The following CHST11 variants were observed in gnomAD, a reference collection of about 807,000 sequenced individuals.
The protein encoded by CHST11 is C4S-1.
In CHST11, 9 loss-of-function variants were observed where a neutral mutation model predicts 30.4. The ratio of observed to expected loss-of-function variants is 0.30; its 90% CI spans 0.18 to 0.52. The LOEUF (loss-of-function observed/expected upper bound fraction) is 0.52. Ranked by LOEUF, CHST11 falls within the 20% of genes least tolerant of loss-of-function variation. The pLI is 0.97. For missense variants in CHST11, 348 were observed against 460.6 expected (o/e 0.76, Z 2.24); for synonymous variants, 152 against 187.8 (o/e 0.81, Z 1.56).
chr12:104,557,498 G>A (rs906642554), intron 1 of CHST11, among the ~76,000 whole-genome samples: 7 of 152,116 alleles, frequency 4.6e-5, no homozygotes, highest in African/African-American at 1.7e-4. Context: ...AGGAGAAGGG[G>A]GGCACCGGCC....
chr12:104,712,858 A>G (rs1422903439), intron 2 of CHST11, among the ~76,000 whole-genome samples: 1 of 152,136 alleles, frequency 6.6e-6, no homozygotes, highest in East Asian at 1.9e-4. Flanking sequence ...TAGTTCTCAT[A>G]GGCCCTGACC....
intron 2 of CHST11, among the ~76,000 whole-genome samples, chr12:104,668,889 G>C (rs1410813921): frequency 6.6e-6 from 1 of 152,098 alleles, no homozygotes; most frequent in African/African-American, 2.4e-5. Flanking sequence ...AGAAATGAAG[G>C]CCTCCTTGAG....
intron 1 of CHST11, among the ~76,000 whole-genome samples, chr12:104,492,671 A>C (rs948686722): frequency 2.0e-5 from 3 of 152,272 alleles, no homozygotes; most frequent in African/African-American, 7.2e-5. Flanking sequence ...TGTCTGGAAC[A>C]AGATACAGTT....
intron 2 of CHST11, among the ~76,000 whole-genome samples, chr12:104,682,003 T>C (rs1188365776): frequency 1.3e-5 from 2 of 151,908 alleles, no homozygotes; most frequent in Non-Finnish European, 2.9e-5. Flanking sequence ...GCTAATTTTT[T>C]TTTGTATCTT....
chr12:104,631,032 C>T (rs2039265037), intron 2 of CHST11, among the ~76,000 whole-genome samples: 1 of 152,156 alleles, frequency 6.6e-6, no homozygotes, highest in Non-Finnish European at 1.5e-5. Context: ...GGAGGAGGCC[C>T]GCCTGGGAAT....
rs2038951607 is a variant in CHST11 at position 104,600,891 on chromosome 12, C to G, written c.119-1015C>G. 1.3e-5 allele frequency among the ~76,000 whole-genome samples: 2 copies of G among 149,632 alleles called. No homozygotes were observed. On this transcript the variant is annotated intron_variant, in intron 1 of 2. Coordinates refer to ENST00000303694, the MANE Select transcript of CHST11 (RefSeq NM_018413.6). This position sits in a 1 kb window ranked among gnomAD's most constrained non-coding sequence, Gnocchi z 4.1. ...CTTTCCTTTCTTCCTTCCCTCCCTT[C>G]TTCCCTCCTTCCTCCTTCTCGGCTT...
At chr12:104,628,926 C>T (rs2039245080) in intron 2 of CHST11, among the ~76,000 whole-genome samples, 1 of 152,220 alleles carries the variant, frequency 6.6e-6, no homozygotes, top group Non-Finnish European at 1.5e-5. Flanking sequence ...CTGGCTGCCT[C>T]TGTGCTGGCT....
chr12:104,638,281 T>C (rs924133567), intron 2 of CHST11, among the ~76,000 whole-genome samples: 2 of 151,818 alleles, frequency 1.3e-5, no homozygotes, highest in Non-Finnish European at 2.9e-5. Flanking sequence ...TATTGTCTCG[T>C]AAGACTTTCA....
Position 104,614,051 on chromosome 12 carries a change from A to C in CHST11, c.204+12060A>C, listed in dbSNP as rs78374527. Among the ~76,000 whole-genome samples the C allele has an allele frequency of 8.6e-3, 1,304 of 152,350 alleles. 22 individuals carry two copies. Among genetic ancestry groups the C allele is most frequent in the African/African-American group, 0.03 (1,230 of 41,580 alleles). On this transcript the variant is annotated intron_variant, in intron 2 of 2. Coordinates refer to ENST00000303694, the MANE Select transcript of CHST11 (RefSeq NM_018413.6). ...AAAGCAGATCTTAAATGTTCTGACTACACGAAAAATGATAACTATGTGAGG... is the reference window on the plus strand; with the variant it reads ...AAAGCAGATCTTAAATGTTCTGACTCCACGAAAAATGATAACTATGTGAGG...
In CHST11 at chr12:104,596,180, AGACACTGTTCTGTCTT is replaced by A. The variant is rs2038905243; in HGVS notation, c.119-5721_119-5706del. Among the ~76,000 whole-genome samples, 3 of 152,348 alleles carry A rather than the reference AGACACTGTTCTGTCTT, an allele frequency of 2.0e-5. No homozygotes were observed. In the South Asian group the frequency reaches 6.2e-4, roughly 32 times the overall value. ...TCCTCTAACTTGATGAGGTTGAATC[AGACACTGTTCTGTCTT>A]GACAGATGGGCTGGGCCACACTGCT... On this transcript the variant is annotated intron_variant, in intron 1 of 2. Coordinates refer to ENST00000303694, the MANE Select transcript of CHST11 (RefSeq NM_018413.6).
At chr12:104,645,843 A>G (rs551707437) in intron 2 of CHST11, among the ~76,000 whole-genome samples, 5 of 152,364 alleles carry the variant, frequency 3.3e-5, no homozygotes, top group African/African-American at 1.2e-4. Context: ...AAGGGTATCC[A>G]TCTACCTACA....
At chr12:104,704,813 A>G (rs78044686) in intron 2 of CHST11, among the ~76,000 whole-genome samples, 17,043 of 151,946 alleles carry the variant, frequency 0.11, 1,042 homozygotes, top group Middle Eastern at 0.16. Context: ...GCCCCGAGGT[A>G]TGGAGGAAAG....
chr12:104,488,360 C>G (rs77847728), intron 1 of CHST11, among the ~76,000 whole-genome samples: 1 of 150,880 alleles, frequency 6.6e-6, no homozygotes, highest in Non-Finnish European at 1.5e-5. Flanking sequence ...CATGTGTGTG[C>G]GTATGTGTAT....
At chr12:104,497,767 A>G (rs113510520) in intron 1 of CHST11, among the ~76,000 whole-genome samples, 8,261 of 152,004 alleles carry the variant, frequency 0.054, 459 homozygotes, top group African/African-American at 0.14. Flanking sequence ...GGTGACATGG[A>G]CTGGAGAGAG....
rs148383321 is a variant in CHST11, at chr12:104,514,920, T to G, written c.118+57391T>G. ...TGCCTCAGTTTCCTCAGCGGTAAAC[T>G]GGGGTAAAGAAGGATATGAAGAACC... On this transcript the variant is annotated intron_variant, in intron 1 of 2. Coordinates refer to ENST00000303694, the MANE Select transcript of CHST11 (RefSeq NM_018413.6). 1.5e-3 allele frequency among the ~76,000 whole-genome samples: 232 copies of G among 152,252 alleles called. 1 individual carries two copies. Among genetic ancestry groups the G allele is most frequent in the African/African-American group, 5.2e-3 (216 of 41,540 alleles).
At chr12:104,718,513 A>G (rs1418849969) in intron 2 of CHST11, among the ~76,000 whole-genome samples, 1 of 152,210 alleles carries the variant, frequency 6.6e-6, no homozygotes, top group Non-Finnish European at 1.5e-5. Context: ...CTCTTTCTCC[A>G]CATCACACTG....
intron 2 of CHST11, among the ~76,000 whole-genome samples, chr12:104,707,709 T>G (rs2136118114): frequency 6.6e-6 from 1 of 152,270 alleles, no homozygotes; most frequent in South Asian, 2.1e-4. Flanking sequence ...CTCCTAAATC[T>G]CCACTGACAT....
In CHST11 at chr12:104,519,444, G is replaced by A. The variant is rs149946665; in HGVS notation, c.118+61915G>A. On this transcript the variant is annotated intron_variant, in intron 1 of 2. Transcript: ENST00000303694. Reference sequence around the variant, plus strand: ...GATAGATGGAGATCTGCCCCAGTGCGTCATCATAAATGCCTCGAGGCAGCC... The same window carrying A: ...GATAGATGGAGATCTGCCCCAGTGCATCATCATAAATGCCTCGAGGCAGCC... Among the ~76,000 whole-genome samples, 243 of 152,272 alleles carry A rather than the reference G, an allele frequency of 1.6e-3. 6 individuals are homozygous for A. In the East Asian group the frequency reaches 0.034, roughly 22 times the overall value.
chr12:104,498,039 C>T (rs566595417), intron 1 of CHST11, among the ~76,000 whole-genome samples: 10 of 151,576 alleles, frequency 6.6e-5, no homozygotes, highest in African/African-American at 2.2e-4. Flanking sequence ...GTGCCTCAGC[C>T]TCCCGAGTAG....
Sources: gnomAD v4.1 joint callset for allele counts (sites outside exome capture counted in the v4.1 genomes callset) on GRCh38, gnomAD v4.1.1 for gene constraint, Gnocchi (gnomAD v3.1) non-coding constraint, MANE v1.5 for transcripts, NCBI Gene and HGNC (gene_info 2026-07-23, HGNC 2026-07-21) for gene names.